SATB2: variants seen among roughly 807,000 people sequenced by gnomAD.
SATB2 encodes the protein SATB homeobox 2.
In SATB2, 1 loss-of-function variant was observed where a neutral mutation model predicts 73.4. The ratio of observed to expected loss-of-function variants is 0.01; its 90% CI spans 0.00 to 0.06. The LOEUF is 0.06. Ranked by LOEUF, SATB2 falls within the 10% of genes least tolerant of loss-of-function variation. The pLI is 1.00. For synonymous variants in SATB2, 397 were observed against 367.0 expected, an observed-to-expected ratio of 1.08 and a Z score of -0.93; for missense variants, 459 against 945.8, an observed-to-expected ratio of 0.49 and a Z score of 6.75.
chr2:199,458,815 T>C (rs1314480923), upstream of SATB2: 4 of 321,366 alleles, frequency 1.2e-5, no homozygotes, highest in South Asian at 6.3e-5. Context: ...TCCCGGTGCC[T>C]GCGAGCTCCC....
intron 9 of SATB2, among the ~76,000 whole-genome samples, chr2:199,314,722 C>T (rs1218708574): frequency 6.6e-6 from 1 of 152,104 alleles, no homozygotes; most frequent in East Asian, 1.9e-4. Context: ...ATAGATTTCA[C>T]CAGGTGGGGA....
At position 199,323,947 on chromosome 2, in the gene SATB2, C is replaced by T. The variant is rs377059710; in HGVS notation, c.1398G>A (p.Ser466=). ...TAATAGGGAGGTCTGTTGTCGGTGT[C>T]GAGGTTTTGGCCTACCAAGAGACCA... ...SSSRTPQAKT[S]TPTTDLPIKV... is the part of the protein sequence containing the mutation. Residue 466 remains serine, a synonymous_variant, in exon 9 of 11, where the codon TCG becomes TCA. Transcript: ENST00000417098. 1.3e-5 allele frequency: 21 copies of T among 1,613,016 alleles called. No individual in the cohort carries two copies. Among genetic ancestry groups the T allele is most frequent in the Non-Finnish European group, 1.8e-5 (21 of 1,179,450 alleles).
At chr2:199,316,257 A>G (rs1687733224) in intron 9 of SATB2, among the ~76,000 whole-genome samples, 1 of 152,086 alleles carries the variant, frequency 6.6e-6, no homozygotes, top group Non-Finnish European at 1.5e-5. Context: ...TCATGAATCC[A>G]ATAAGTGTCT....
chr2:199,430,661 A>T (rs925295563), intron 3 of SATB2, among the ~76,000 whole-genome samples: 3 of 152,228 alleles, frequency 2.0e-5, no homozygotes, highest in Non-Finnish European at 4.4e-5. Context: ...AATTTCTATC[A>T]TTCTTTAGGA....
intron 3 of SATB2, among the ~76,000 whole-genome samples, chr2:199,392,779 A>G (rs1243358694): frequency 6.6e-6 from 1 of 152,190 alleles, no homozygotes; most frequent in Non-Finnish European, 1.5e-5. Flanking sequence ...CCTGACTCAC[A>G]AGATGGTAAT....
chr2:199,424,048 T>A (rs372474789), intron 3 of SATB2: 2 of 152,186 alleles, frequency 1.3e-5, no homozygotes, highest in African/African-American at 4.8e-5. Flanking sequence ...TAGCACAGAT[T>A]TGCTGTTCTG....
intron 6 of SATB2, among the ~76,000 whole-genome samples, chr2:199,354,888 C>T (rs949090871): frequency 5.3e-5 from 8 of 152,072 alleles, no homozygotes; most frequent in African/African-American, 1.4e-4. Flanking sequence ...AAGTTCACAG[C>T]GACAATGCTC....
chr2:199,425,191 C>T (rs537284700), intron 3 of SATB2, among the ~76,000 whole-genome samples: 251 of 152,282 alleles, frequency 1.6e-3, no homozygotes, highest in Middle Eastern at 3.4e-3. Context: ...TTTAATGAGA[C>T]ATACCTTAAT....
chr2:199,442,817 GA>G (rs1379166029), intron 2 of SATB2, among the ~76,000 whole-genome samples: 2 of 152,218 alleles, frequency 1.3e-5, no homozygotes, highest in African/African-American at 4.8e-5. Context: ...GAATATAACA[GA>G]AAAGTTCAAG....
intron 7 of SATB2, 39 bp downstream of exon 7, chr2:199,348,662 A>T (rs747987927): frequency 1.4e-6 from 2 of 1,418,306 alleles, no homozygotes; most frequent in East Asian, 4.5e-5. Context: ...TTCTGTCCCC[A>T]GTATTACTGT....
intron 3 of SATB2, among the ~76,000 whole-genome samples, chr2:199,421,524 C>A (rs1691169466): frequency 6.6e-6 from 1 of 152,172 alleles, no homozygotes; most frequent in African/African-American, 2.4e-5. Context: ...AAAACAGAGG[C>A]TAACAAATGG....
At chr2:199,386,695 A>C (rs56318888) in intron 3 of SATB2, among the ~76,000 whole-genome samples, 540 of 1,940 alleles carry the variant, frequency 0.28, 31 homozygotes, top group Middle Eastern at 0.5. Context: ...CACGTGCGCA[A>C]GCGCGCGCGC....
intron 3 of SATB2, among the ~76,000 whole-genome samples, chr2:199,402,963 T>G (rs1690526080): frequency 6.6e-6 from 1 of 152,216 alleles, no homozygotes; most frequent in South Asian, 2.1e-4. Flanking sequence ...AAGTCCAGGT[T>G]AACTGTAATA....
intron 10 of SATB2, among the ~76,000 whole-genome samples, chr2:199,289,170 T>A (rs1373932513): frequency 6.6e-6 from 1 of 152,008 alleles, no homozygotes; most frequent in East Asian, 1.9e-4. Flanking sequence ...TGGTTTTGTA[T>A]CCTCCACATT....
chr2:199,452,472 T>G (rs527621467), intron 2 of SATB2, among the ~76,000 whole-genome samples: 1 of 152,294 alleles, frequency 6.6e-6, no homozygotes, highest in Non-Finnish European at 1.5e-5. Flanking sequence ...GTACTTATGC[T>G]AATAGTGGTA....
chr2:199,277,372 G>C (rs1266391570), intron 10 of SATB2, among the ~76,000 whole-genome samples: 1 of 152,166 alleles, frequency 6.6e-6, no homozygotes, highest in Non-Finnish European at 1.5e-5. Context: ...AATGGGCTTA[G>C]TAGTTGACCT....
intron 9 of SATB2, among the ~76,000 whole-genome samples, chr2:199,310,536 G>C (rs1687568630): frequency 6.6e-6 from 1 of 152,096 alleles, no homozygotes; most frequent in Non-Finnish European, 1.5e-5. Context: ...TAGTCCCCAA[G>C]TGTTTCCTCA....
At chr2:199,452,238 T>C (rs1338557717) in intron 2 of SATB2, among the ~76,000 whole-genome samples, 1 of 152,158 alleles carries the variant, frequency 6.6e-6, no homozygotes, top group East Asian at 1.9e-4. Context: ...TAAAGCTGTC[T>C]GAAAGTTCTT....
At chr2:199,442,282 C>T (rs1691840689) in intron 2 of SATB2, among the ~76,000 whole-genome samples, 1 of 152,208 alleles carries the variant, frequency 6.6e-6, no homozygotes, top group Non-Finnish European at 1.5e-5. Flanking sequence ...AAATGATCCA[C>T]ATAAGTGGAT....
Sources: allele counts gnomAD v4.1 joint callset (sites outside exome capture counted in the v4.1 genomes callset), GRCh38; gene constraint gnomAD v4.1.1; transcripts MANE v1.5; gene names NCBI Gene and HGNC (gene_info 2026-07-23, HGNC 2026-07-21).